The following RGS17 variants were observed in gnomAD, a reference collection of about 807,000 sequenced individuals.
RGS17 encodes regulator of G protein signaling 17, also known as regulator of G-protein signaling 17.
A neutral mutation model predicts 25.5 loss-of-function variants in RGS17; 12 were observed. The ratio of observed to expected loss-of-function variants is 0.47; its 90% CI spans 0.30 to 0.76. The LOEUF (loss-of-function observed/expected upper bound fraction) is 0.76, where lower values mean the gene tolerates loss of function less well. Ranked by LOEUF, RGS17 falls within the 30% of genes least tolerant of loss-of-function variation. RGS17 has a pLI of 0.07. For missense variants in RGS17, 196 were observed against 242.2 expected (o/e 0.81, Z 1.27); for synonymous variants, 71 against 76.9 (o/e 0.92, Z 0.40).
intron 1 of RGS17, among the ~76,000 whole-genome samples, chr6:153,117,812 T>G (rs574211656): frequency 6.2e-4 from 95 of 152,344 alleles, no homozygotes; most frequent in African/African-American, 2.2e-3. Context: ...CATTCATTCC[T>G]TCAACATATC....
chr6:153,111,080 C>CCAGTG (rs1777462769), intron 1 of RGS17, among the ~76,000 whole-genome samples: 1 of 151,914 alleles, frequency 6.6e-6, no homozygotes, highest in Non-Finnish European at 1.5e-5. Flanking sequence ...GCCTGGAATG[C>CCAGTG]CAGTGAGACA....
rs768032614 is a variant in RGS17 at position 153,024,400 on chromosome 6, G to A, written c.306C>T (p.Leu102=). The change falls in exon 4 of 5, where the codon CTC becomes CTT. Residue 102 remains leucine (L), a synonymous_variant. Coordinates refer to ENST00000206262, the MANE Select transcript of RGS17 (RefSeq NM_012419.5). ...GGTTCTCTTCACTGTATTCTGTTCG[G>A]AGGAACTCTCTGAAAAGGTTTCTTC... The part of the protein sequence containing the change: ...PAGRNLFREF[L]RTEYSEENLL... 1.9e-6 allele frequency: 3 copies of A among 1,613,960 alleles called. No homozygotes were observed. In the African/African-American group the frequency reaches 4.0e-5, roughly 22 times the overall value.
chr6:153,025,727 CAT>C (rs1272054536), intron 3 of RGS17, among the ~76,000 whole-genome samples: 6 of 145,300 alleles, frequency 4.1e-5, no homozygotes, highest in South Asian at 2.1e-4. Flanking sequence ...TATATATAAA[CAT>C]ATATATGGTA....
At chr6:153,063,966 A>C (rs1388603401) in intron 1 of RGS17, among the ~76,000 whole-genome samples, 4 of 151,710 alleles carry the variant, frequency 2.6e-5, no homozygotes. Flanking sequence ...GGAAAAAAAA[A>C]CTTTTACCCT....
chr6:153,094,941 A>G (rs1777189075), intron 1 of RGS17, among the ~76,000 whole-genome samples: 1 of 152,096 alleles, frequency 6.6e-6, no homozygotes, highest in African/African-American at 2.4e-5. Context: ...TTGTGAATTG[A>G]ATTTTGTGAT....
rs578075495 is a variant in RGS17 at position 153,070,814 on chromosome 6, T to C, written c.-25-26771A>G. 1.1e-3 allele frequency among the ~76,000 whole-genome samples: 169 copies of C among 150,850 alleles called. 1 individual carries two copies. The highest frequency in any genetic ancestry group is 9.6e-3 in the Admixed American group (145 of 15,034). ...ACACATACATATACATATACACATA[T>C]ACATATACATATATACACATACATA... On this transcript the variant is annotated intron_variant, in intron 1 of 4. Coordinates refer to ENST00000206262, the MANE Select transcript of RGS17 (RefSeq NM_012419.5).
chr6:153,031,965 C>T (rs1192632380), intron 2 of RGS17, among the ~76,000 whole-genome samples: 2 of 152,152 alleles, frequency 1.3e-5, no homozygotes, highest in African/African-American at 4.8e-5. Context: ...TTAATGACTG[C>T]AGACGGTGTT....
At chr6:153,026,411 A>T in intron 3 of RGS17, 43 bp downstream of exon 3, 1 of 1,417,322 alleles carries the variant, frequency 7.1e-7, no homozygotes, top group Non-Finnish European at 9.9e-7. Flanking sequence ...TGTAAATGGC[A>T]TATAAATGCA....
intron 1 of RGS17, among the ~76,000 whole-genome samples, chr6:153,125,869 A>G (rs1777697406): frequency 6.6e-6 from 1 of 152,274 alleles, no homozygotes; most frequent in South Asian, 2.1e-4. Flanking sequence ...AAACATTTAT[A>G]CTTTCTAGAT....
intron 1 of RGS17, among the ~76,000 whole-genome samples, chr6:153,077,872 CT>C (rs974804069): frequency 1.6e-5 from 2 of 121,380 alleles, no homozygotes; most frequent in South Asian, 3.1e-4. Context: ...CTTACAGTAT[CT>C]TTTTTATTTT....
chr6:153,104,984 T>C (rs935332951), intron 1 of RGS17, among the ~76,000 whole-genome samples: 4 of 152,172 alleles, frequency 2.6e-5, no homozygotes, highest in Non-Finnish European at 4.4e-5. Context: ...GGCTCATTAT[T>C]GCATGAACAG....
At chr6:153,019,679 T>A (rs1478263798) in intron 4 of RGS17, among the ~76,000 whole-genome samples, 2 of 152,172 alleles carry the variant, frequency 1.3e-5, no homozygotes, top group African/African-American at 4.8e-5. Flanking sequence ...ATGTACTTGA[T>A]CTCCCTTCAT....
chr6:153,022,685 G>A (rs977182690), intron 4 of RGS17, among the ~76,000 whole-genome samples: 2 of 152,188 alleles, frequency 1.3e-5, no homozygotes, highest in African/African-American at 4.8e-5. Context: ...GGATCATCTG[G>A]TTTATTTGCT....
At chr6:153,069,455 A>C (rs1776753874) in intron 1 of RGS17, among the ~76,000 whole-genome samples, 1 of 152,102 alleles carries the variant, frequency 6.6e-6, no homozygotes, top group South Asian at 2.1e-4. Context: ...AGAGGCCAGG[A>C]AGGGTATTGG....
intron 1 of RGS17, among the ~76,000 whole-genome samples, chr6:153,109,842 C>T (rs895965744): frequency 6.6e-6 from 1 of 152,246 alleles, no homozygotes; most frequent in African/African-American, 2.4e-5. Flanking sequence ...ATTCCACTAT[C>T]TCTAAACTGC....
intron 1 of RGS17, among the ~76,000 whole-genome samples, chr6:153,113,066 T>C (rs983718433): frequency 2.0e-5 from 3 of 152,130 alleles, no homozygotes; most frequent in Non-Finnish European, 1.5e-5. Context: ...AATTCACATA[T>C]ATCAATATTA....
intron 2 of RGS17, among the ~76,000 whole-genome samples, chr6:153,029,804 T>C (rs1038356937): frequency 6.6e-6 from 1 of 152,202 alleles, no homozygotes; most frequent in African/African-American, 2.4e-5. Context: ...TTGGTCAGGC[T>C]GGTCTTGAAC....
rs890198168 is a variant in RGS17, at chr6:153,023,256, C to A, written c.444+1006G>T. 31 of 335,394 alleles carry A rather than the reference C, an allele frequency of 9.2e-5. No homozygotes were observed. The Admixed American group carries it at 9.3e-4, about 10-fold the overall frequency. The allele number at this position is 335,394 out of a possible 1,614,324, so 20.8% of individuals were successfully genotyped here. On this transcript the variant is annotated intron_variant, in intron 4 of 4. Coordinates refer to ENST00000206262, the MANE Select transcript of RGS17 (RefSeq NM_012419.5). ...CAGGTATTGGAGGAGGAACAGATGA[C>A]TGTAGCCCATAAATGTTCAGGTGCA...
At chr6:153,125,417 T>C (rs1355129117) in intron 1 of RGS17, among the ~76,000 whole-genome samples, 3 of 152,234 alleles carry the variant, frequency 2.0e-5, no homozygotes, top group African/African-American at 7.2e-5. Flanking sequence ...ATCTAATAAA[T>C]AGTAGAGTAA....
Sources: gnomAD v4.1 joint callset for allele counts (sites outside exome capture counted in the v4.1 genomes callset) on GRCh38, gnomAD v4.1.1 for gene constraint, MANE v1.5 for transcripts, NCBI Gene and HGNC (gene_info 2026-07-23, HGNC 2026-07-21) for gene names.